The following GNAQ variants were observed in gnomAD, a reference collection of about 807,000 sequenced individuals.
The protein encoded by GNAQ is G protein subunit alpha q, also known as guanine nucleotide-binding protein G(q) subunit alpha.
Under a neutral mutation model 43.9 loss-of-function variants are expected in GNAQ, and 8 were observed. The ratio of observed to expected loss-of-function variants is 0.18; its 90% CI spans 0.11 to 0.33. The LOEUF (loss-of-function observed/expected upper bound fraction) is 0.33, where lower values mean the gene tolerates loss of function less well. GNAQ is among the 10% of genes least tolerant of loss of function. The pLI is 1.00. For synonymous variants in GNAQ, 155 were observed against 170.7 expected, an observed-to-expected ratio of 0.91 and a Z score of 0.71; for missense variants, 158 against 450.8, an observed-to-expected ratio of 0.35 and a Z score of 5.88.
chr9:77,746,525 G>GA (rs1232630770), intron 5 of GNAQ, among the ~76,000 whole-genome samples: 2 of 152,006 alleles, frequency 1.3e-5, no homozygotes, highest in African/African-American at 4.8e-5. Flanking sequence ...CAGTGAATTA[G>GA]AAAAGAATCA....
chr9:78,029,523 T>C (rs1339799061), intron 1 of GNAQ, among the ~76,000 whole-genome samples: 3 of 152,190 alleles, frequency 2.0e-5, no homozygotes, highest in South Asian at 2.1e-4. Context: ...CCTGGCTTCA[T>C]TCCCCTAAGC....
chr9:77,850,866 T>C (rs1827664618), intron 2 of GNAQ, among the ~76,000 whole-genome samples: 1 of 152,080 alleles, frequency 6.6e-6, no homozygotes, highest in African/African-American at 2.4e-5. Context: ...CCAGGCACCA[T>C]CACTCCTGCC....
chr9:77,812,322 C>A (rs1826942140), intron 3 of GNAQ, among the ~76,000 whole-genome samples: 1 of 152,188 alleles, frequency 6.6e-6, no homozygotes, highest in Admixed American at 6.5e-5. Context: ...GAGGGTGCCA[C>A]TACCCTAACG....
intron 1 of GNAQ, among the ~76,000 whole-genome samples, chr9:78,020,853 G>T (rs892281849): frequency 6.6e-6 from 1 of 152,070 alleles, no homozygotes; most frequent in Non-Finnish European, 1.5e-5. Context: ...GAAGCCCAAC[G>T]CTGATAAGTT....
intron 5 of GNAQ, among the ~76,000 whole-genome samples, chr9:77,741,235 G>A (rs933092655): frequency 5.9e-5 from 9 of 152,142 alleles, no homozygotes; most frequent in Non-Finnish European, 1.2e-4. Context: ...AGGAAGTTGA[G>A]TAACACATGT....
At chr9:77,752,512 C>CT (rs1219539189) in intron 5 of GNAQ, among the ~76,000 whole-genome samples, 1 of 152,208 alleles carries the variant, frequency 6.6e-6, no homozygotes, top group Admixed American at 6.5e-5. Flanking sequence ...CCAATCTCCT[C>CT]TTTTTACAGC....
chr9:77,971,163 G>A (rs139817919), intron 1 of GNAQ, among the ~76,000 whole-genome samples: 7 of 152,254 alleles, frequency 4.6e-5, no homozygotes, highest in Non-Finnish European at 1.0e-4. Flanking sequence ...AAGAAGTCTA[G>A]GACCAGACGG....
chr9:77,904,369 G>C (rs1828669329), intron 2 of GNAQ, among the ~76,000 whole-genome samples: 1 of 114,398 alleles, frequency 8.7e-6, no homozygotes, highest in Non-Finnish European at 1.6e-5. Context: ...GTCTCGCTCT[G>C]TTGCCCAGGC....
intron 1 of GNAQ, among the ~76,000 whole-genome samples, chr9:77,950,123 C>T (rs1038006211): frequency 2.6e-5 from 4 of 152,110 alleles, no homozygotes; most frequent in African/African-American, 4.8e-5. Flanking sequence ...ATGTTCTTAC[C>T]GGGTTCCCTT....
At chr9:77,925,443 A>C (rs557653410) in intron 1 of GNAQ, among the ~76,000 whole-genome samples, 1 of 152,160 alleles carries the variant, frequency 6.6e-6, no homozygotes, top group African/African-American at 2.4e-5. Flanking sequence ...ATTCACTTCT[A>C]TTGCCCACAA....
chr9:77,978,920 G>A (rs1015406096), intron 1 of GNAQ, among the ~76,000 whole-genome samples: 1 of 152,130 alleles, frequency 6.6e-6, no homozygotes. Flanking sequence ...GCCGGGCGTG[G>A]TGGCACTGAC....
intron 2 of GNAQ, among the ~76,000 whole-genome samples, chr9:77,920,358 G>A (rs1384386739): frequency 6.6e-6 from 1 of 151,956 alleles, no homozygotes; most frequent in Non-Finnish European, 1.5e-5. Flanking sequence ...TAAAATTCAG[G>A]GAGATTATAT....
intron 2 of GNAQ, among the ~76,000 whole-genome samples, chr9:77,816,396 C>A (rs1477314026): frequency 1.3e-5 from 2 of 152,094 alleles, no homozygotes; most frequent in Non-Finnish European, 1.5e-5. Flanking sequence ...ATCTATATTA[C>A]CAGATTGAGT....
intron 1 of GNAQ, among the ~76,000 whole-genome samples, chr9:77,971,378 C>G (rs1823235007): frequency 6.6e-6 from 1 of 152,164 alleles, no homozygotes; most frequent in Non-Finnish European, 1.5e-5. Context: ...CAAAAATCCT[C>G]AATAAAATAC....
chr9:77,997,005 T>G (rs1823577797), intron 1 of GNAQ, among the ~76,000 whole-genome samples: 1 of 152,232 alleles, frequency 6.6e-6, no homozygotes, highest in South Asian at 2.1e-4. Context: ...ACGTATTATC[T>G]CATTTATTCT....
chr9:77,773,630 T>C (rs993957035), intron 5 of GNAQ, among the ~76,000 whole-genome samples: 1 of 152,258 alleles, frequency 6.6e-6, no homozygotes, highest in Non-Finnish European at 1.5e-5. Context: ...TTGACTAATG[T>C]TCCACAAAAG....
At chr9:77,994,319 C>A (rs1401238894) in intron 1 of GNAQ, among the ~76,000 whole-genome samples, 1 of 152,288 alleles carries the variant, frequency 6.6e-6, no homozygotes, top group East Asian at 1.9e-4. Flanking sequence ...GGATAACAAG[C>A]GTGAGCCACC....
intron 1 of GNAQ, among the ~76,000 whole-genome samples, chr9:77,965,219 C>CTATATATA (rs1823151668): frequency 2.0e-5 from 3 of 152,078 alleles, no homozygotes; most frequent in African/African-American, 7.2e-5. Context: ...CCAATCAACA[C>CTATATATA]CCATAATTAT....
At chr9:77,985,824 G>A (rs1462991469) in intron 1 of GNAQ, among the ~76,000 whole-genome samples, 1 of 152,126 alleles carries the variant, frequency 6.6e-6, no homozygotes, top group Non-Finnish European at 1.5e-5. Flanking sequence ...CTGACCTCAG[G>A]TGATCCACCC....
Sources: allele counts gnomAD v4.1 joint callset (sites outside exome capture counted in the v4.1 genomes callset), GRCh38; gene constraint gnomAD v4.1.1; transcripts MANE v1.5; gene names NCBI Gene and HGNC (gene_info 2026-07-23, HGNC 2026-07-21).